Variants in UTRN observed in about 807,000 individuals in gnomAD.
UTRN encodes the protein utrophin, also known as dystrophin-related protein 1.
A neutral mutation model predicts 463.9 loss-of-function variants in UTRN; 283 were observed. That is an observed-to-expected ratio of 0.61 (90% CI 0.55 to 0.67). UTRN has a LOEUF of 0.67. UTRN is among the 30% of genes least tolerant of loss of function. UTRN has a pLI of 0.00. For synonymous variants in UTRN, 1,442 were observed against 1,431.5 expected (o/e 1.01, Z -0.17); for missense variants, 3,922 against 4,084.3 (o/e 0.96, Z 1.08).
At chr6:144,542,744 C>G (rs1798082082) in intron 45 of UTRN, 51 bp from the exon 46 acceptor site, 1 of 1,556,992 alleles carries the variant, frequency 6.4e-7, no homozygotes, top group Non-Finnish European at 8.7e-7. Flanking sequence ...GAACTACAGT[C>G]ATCTTTATTT....
chr6:144,349,453 C>G (rs1466052192), intron 2 of UTRN, among the ~76,000 whole-genome samples: 1 of 152,132 alleles, frequency 6.6e-6, no homozygotes. Flanking sequence ...GGAGGATGCC[C>G]CGGGAGAGTG....
At position 144,629,280 on chromosome 6, in the gene UTRN, G is replaced by A. The variant is rs563658430; in HGVS notation, c.7480-49126G>A. Among the ~76,000 whole-genome samples, 9 of 151,682 alleles carry A rather than the reference G, an allele frequency of 5.9e-5. No individual in the cohort carries two copies. The East Asian group carries it at 7.8e-4, about 13-fold the overall frequency. On this transcript the variant is annotated intron_variant, in intron 51 of 74. Transcript: ENST00000367545. Reference sequence around the variant, plus strand: ...TGTAGTAAAAAATCTAGTGTACTGCGTCCTAAATGACGCATCATGACCATA... The same window carrying A: ...TGTAGTAAAAAATCTAGTGTACTGCATCCTAAATGACGCATCATGACCATA...
chr6:144,635,528 TTC>T (rs1562685855), intron 51 of UTRN, among the ~76,000 whole-genome samples: 1 of 75,508 alleles, frequency 1.3e-5, no homozygotes, highest in Non-Finnish European at 2.5e-5. Context: ...TTTTTTTTTT[TTC>T]TTTTCTTTTT....
intron 5 of UTRN, 97 bp from the exon 6 acceptor site, chr6:144,423,883 CACTTAT>C: frequency 8.5e-7 from 1 of 1,177,648 alleles, no homozygotes; most frequent in Non-Finnish European, 1.2e-6. Context: ...TCTTATCTCT[CACTTAT>C]ACTGCTGTCC....
At chr6:144,312,100 G>A (rs183744649) in intron 2 of UTRN, 12 of 152,226 alleles carry the variant, frequency 7.9e-5, no homozygotes, top group South Asian at 4.1e-4. Flanking sequence ...CAACCTCCTC[G>A]TGTTGTAAAA....
chr6:144,551,520 G>A (rs1798918974), intron 48 of UTRN, among the ~76,000 whole-genome samples: 1 of 152,186 alleles, frequency 6.6e-6, no homozygotes, highest in Non-Finnish European at 1.5e-5. Context: ...CAACTACTAT[G>A]TGCTTATGTG....
chr6:144,325,040 T>C (rs1775891856), intron 2 of UTRN, among the ~76,000 whole-genome samples: 1 of 152,190 alleles, frequency 6.6e-6, no homozygotes, highest in South Asian at 2.1e-4. Flanking sequence ...TTATATATTT[T>C]TTCTGGAAAA....
rs1296496553 is a variant in UTRN, at chr6:144,421,886, A to G, written c.150A>G (p.Lys50=). ...WINARFSKSG[K]PPINDMFTDL... ...GTGTTTTTCTTTTACAGAGTGGGAA[A>G]CCACCCATCAATGATATGTTCACAG... Residue 50 remains lysine, a synonymous_variant, in exon 4 of 75, where the codon AAA becomes AAG. Coordinates refer to ENST00000367545, the MANE Select transcript of UTRN (RefSeq NM_007124.3). The G allele has an allele frequency of 1.2e-6, 2 of 1,611,526 alleles. No individual in the cohort carries two copies. The highest frequency in any genetic ancestry group is 1.7e-6 in the Non-Finnish European group (2 of 1,178,926).
At chr6:144,718,511 C>CT (rs1340461112) in intron 53 of UTRN, among the ~76,000 whole-genome samples, 1 of 152,092 alleles carries the variant, frequency 6.6e-6, no homozygotes, top group Admixed American at 6.5e-5. Context: ...TTCAAAATAT[C>CT]TTTTCATTCA....
intron 61 of UTRN, among the ~76,000 whole-genome samples, chr6:144,785,117 A>G (rs1021720229): frequency 6.6e-6 from 1 of 152,242 alleles, no homozygotes; most frequent in Non-Finnish European, 1.5e-5. Flanking sequence ...TGAGAATCAG[A>G]TAGAAATTAC....
intron 41 of UTRN, among the ~76,000 whole-genome samples, chr6:144,524,893 T>A (rs1292335012): frequency 4.6e-5 from 7 of 152,220 alleles, no homozygotes; most frequent in Non-Finnish European, 5.9e-5. Flanking sequence ...CTGAGAATTT[T>A]AATCATAAAG....
At chr6:144,783,430 T>C (rs1212285059) in intron 61 of UTRN, among the ~76,000 whole-genome samples, 2 of 152,178 alleles carry the variant, frequency 1.3e-5, no homozygotes, top group African/African-American at 4.8e-5. Flanking sequence ...TCTGGATTTT[T>C]TTTCTATTCC....
intron 2 of UTRN, among the ~76,000 whole-genome samples, chr6:144,396,670 A>G (rs1362415683): frequency 6.6e-6 from 1 of 152,214 alleles, no homozygotes; most frequent in Non-Finnish European, 1.5e-5. Context: ...AGGTGTGTGG[A>G]TGAATTGTAT....
rs2128604679 is a variant in UTRN, at chr6:144,536,943, T to C, written c.6234-639T>C. On this transcript the variant is annotated intron_variant, in intron 43 of 74. Coordinates refer to ENST00000367545, the MANE Select transcript of UTRN (RefSeq NM_007124.3). ...TCATTTGACTGTTTTCCTTGCATCA[T>C]TTAAAATTTTTGCTTTGTTTTTTTC... Among the ~76,000 whole-genome samples, 3 of 152,196 alleles carry C rather than the reference T, an allele frequency of 2.0e-5. No individual in the cohort carries two copies. The South Asian group carries it at 6.2e-4, about 32-fold the overall frequency.
intron 45 of UTRN, among the ~76,000 whole-genome samples, chr6:144,539,855 C>T (rs982797744): frequency 1.3e-5 from 2 of 151,824 alleles, no homozygotes; most frequent in Non-Finnish European, 2.9e-5. Flanking sequence ...CCAGCCTGGC[C>T]AACACAGTGA....
chr6:144,827,625 C>G lies in UTRN; in HGVS notation c.9548C>G (p.Pro3183Arg). 1 of 1,613,542 alleles carries G rather than the reference C, an allele frequency of 6.2e-7. No individual in the cohort carries two copies. The highest frequency in any genetic ancestry group is 8.5e-7 in the Non-Finnish European group (1 of 1,179,726). Residue 3183 changes from proline (P) to arginine (R), a missense_variant, in exon 68 of 75, where the codon CCT (proline) becomes CGT (arginine). Transcript: ENST00000367545. Reference sequence around the variant, plus strand: ...TTCTTTTAAAGCCCCTCACAATCTCCTCAACTGTTTCATGATGACACCCAT... The same window carrying G: ...TTCTTTTAAAGCCCCTCACAATCTCGTCAACTGTTTCATGATGACACCCAT... The part of the protein sequence containing the change: ...WPEHYDPSQS[P>R]QLFHDDTHSR...
At chr6:144,486,182 T>A (rs2128576547) in intron 28 of UTRN, among the ~76,000 whole-genome samples, 1 of 152,318 alleles carries the variant, frequency 6.6e-6, no homozygotes, top group South Asian at 2.1e-4. Context: ...TGGTACCATG[T>A]GGGAACTGAG....
chr6:144,727,008 C>T (rs1296259861), intron 53 of UTRN, among the ~76,000 whole-genome samples: 3 of 152,178 alleles, frequency 2.0e-5, no homozygotes, highest in African/African-American at 7.2e-5. Flanking sequence ...CTCCCCACAC[C>T]CCTGCACAAT....
In UTRN at chr6:144,600,211, G is replaced by A. The variant is rs7757257; in HGVS notation, c.7479+22923G>A. On this transcript the variant is annotated intron_variant, in intron 51 of 74. Transcript: ENST00000367545. ...TAGACCAGTTAATATCCTTACATTGGCCTCCAAGTGTTTAAGTGAAAAGAA... is the reference window on the plus strand; with the variant it reads ...TAGACCAGTTAATATCCTTACATTGACCTCCAAGTGTTTAAGTGAAAAGAA... Among the ~76,000 whole-genome samples the A allele has an allele frequency of 1.8e-3, 276 of 152,142 alleles. 1 individual carries two copies. Among genetic ancestry groups the A allele is most frequent in the African/African-American group, 6.5e-3 (270 of 41,496 alleles).
Sources: gnomAD v4.1 joint callset for allele counts (sites outside exome capture counted in the v4.1 genomes callset) on GRCh38, gnomAD v4.1.1 for gene constraint, MANE v1.5 for transcripts, NCBI Gene and HGNC (gene_info 2026-07-23, HGNC 2026-07-21) for gene names.